Variants in USP35 observed in about 807,000 individuals in gnomAD.
USP35 encodes ubiquitin specific peptidase 35.
In USP35, 69 loss-of-function variants were observed where a neutral mutation model predicts 83.8. The observed-to-expected ratio is 0.82, with a 90% CI of 0.68 to 1.01. USP35 has a LOEUF of 1.01. Among genes scored for constraint, USP35 ranks in the 50% least tolerant of loss-of-function variants. The pLI is 0.00. For synonymous variants in USP35, 714 were observed against 589.5 expected, an observed-to-expected ratio of 1.21 and a Z score of -3.06; for missense variants, 1,503 against 1,362.5, an observed-to-expected ratio of 1.10 and a Z score of -1.62.
the USP35 span, chr11:78,222,141 A>C: frequency 6.2e-7 from 1 of 1,613,904 alleles, no homozygotes; most frequent in South Asian, 1.1e-5. Flanking sequence ...AGGTGACTTG[A>C]AGGGGAGTTC....
rs1167070250 is a variant in USP35 at position 78,214,669 on chromosome 11, G to GA, written c.*857dup. On this transcript the variant is annotated 3_prime_UTR_variant, in exon 11 of 11. Transcript: ENST00000529308. ...CTAACTTCTAACCGAAGACAAGACA[G>GA]ACACCCATGTTCATAAATAAATAAA... is the stretch of plus-strand genomic sequence containing the variant. 1 of 150,862 alleles carries GA rather than the reference G, an allele frequency of 6.6e-6. No homozygotes were observed. The highest frequency in any genetic ancestry group is 1.5e-5 in the Non-Finnish European group (1 of 67,250). The allele number at this position is 150,862 out of a possible 1,614,324, so 9.3% of individuals were successfully genotyped here. A position where few individuals can be genotyped will look rare whatever the true frequency, so the allele number is the denominator to read the frequency against.
chr11:78,223,484 G>T, the USP35 span: 1 of 1,606,722 alleles, frequency 6.2e-7, no homozygotes, highest in Non-Finnish European at 8.5e-7. Context: ...GGGCCTCGGT[G>T]CACAGGAAGG....
the USP35 span, among the ~76,000 whole-genome samples, chr11:78,226,266 AACT>A: frequency 5.3e-5 from 8 of 152,214 alleles, no homozygotes; most frequent in African/African-American, 1.7e-4. Flanking sequence ...TCTGTTAGAC[AACT>A]ACTACTAACA....
chr11:78,210,383 A>G lies in USP35; in HGVS notation c.2528A>G (p.Gln843Arg). Residue 843 changes from glutamine (Q) to arginine (R), a missense_variant, in exon 10 of 11, where the codon CAG (glutamine) becomes CGG (arginine). Gln to Arg is a conservative substitution (Grantham distance 43, BLOSUM62 1). Coordinates refer to ENST00000529308, the MANE Select transcript of USP35 (RefSeq NM_020798.4). Reference sequence around the variant, plus strand: ...CTGCCACTGGCTGGTGGCCGTGGCCAGGCCTATGACCTCTGCAGTGTGGTG... The same window carrying G: ...CTGCCACTGGCTGGTGGCCGTGGCCGGGCCTATGACCTCTGCAGTGTGGTG... ...LRLPLAGGRG[Q>R]AYDLCSVVVH... is the part of the protein sequence containing the mutation. 1 of 1,613,686 alleles carries G rather than the reference A, an allele frequency of 6.2e-7. No homozygotes were observed. The highest frequency in any genetic ancestry group is 2.2e-5 in the East Asian group (1 of 44,878).
chr11:78,193,815 C>T (rs115015466), intron 1 of USP35, among the ~76,000 whole-genome samples: 5 of 152,186 alleles, frequency 3.3e-5, no homozygotes, highest in Non-Finnish European at 7.3e-5. Flanking sequence ...CAGGAAGCTT[C>T]GGGTGGACCC....
At chr11:78,222,260 T>C in the USP35 span, 1 of 990,438 alleles carries the variant, frequency 1.0e-6, no homozygotes, top group South Asian at 1.3e-5. Context: ...ACACACCTTA[T>C]ATATAACACA....
In USP35 at chr11:78,209,956, A is replaced by G. The variant is rs1863684081; in HGVS notation, c.2101A>G (p.Arg701Gly). ...EEVGEEEEST[R>G]GEGEREKEEE... ...AGTGGGGGAGGAGGAGGAAAGCACC[A>G]GAGGGGAAGGAGAGAGGGAGAAAGA... The change falls in exon 10 of 11, where the codon AGA becomes GGA. Residue 701 changes from arginine (R) to glycine (G), a missense_variant. Coordinates refer to ENST00000529308, the MANE Select transcript of USP35 (RefSeq NM_020798.4). 1.2e-6 allele frequency: 2 copies of G among 1,610,762 alleles called. No homozygotes were observed. The highest frequency in any genetic ancestry group is 4.5e-5 in the East Asian group (2 of 44,786).
Position 78,200,725 on chromosome 11 carries a change from C to T in USP35, c.1114C>T (p.Gln372Ter). The T allele has an allele frequency of 1.2e-6, 2 of 1,614,176 alleles. No individual in the cohort carries two copies. Among genetic ancestry groups the T allele is most frequent in the Non-Finnish European group, 1.7e-6 (2 of 1,180,006 alleles). Residue 372 changes from glutamine (Q) to a stop codon, truncating the protein, a stop_gained, in exon 6 of 11, where the codon CAG (glutamine) becomes TAG (stop). Coordinates refer to ENST00000529308, the MANE Select transcript of USP35 (RefSeq NM_020798.4). LOFTEE classifies it high-confidence loss of function. ...GAACTCGGGGACCAGCTGCCTGGAG[C>T]AGCTGGCGGAGCTGGTCCACTGCAT... Reference protein sequence around the residue: ...DSNSGTSCLEQLAELVHCMVF... With the variant: ...DSNSGTSCLE
the USP35 span, chr11:78,220,270 T>C: frequency 1.1e-5 from 17 of 1,607,372 alleles, no homozygotes; most frequent in African/African-American, 2.7e-5. Flanking sequence ...GATCTCTGCC[T>C]CCGGGACCCT....
downstream of USP35, chr11:78,218,953 C>G (rs1177097851): frequency 2.7e-5 from 7 of 256,304 alleles, no homozygotes; most frequent in Non-Finnish European, 5.2e-5. Context: ...CTCCAAACAT[C>G]TGGTAGAGAG....
At chr11:78,221,267 C>A in the USP35 span, among the ~76,000 whole-genome samples, 1 of 152,210 alleles carries the variant, frequency 6.6e-6, no homozygotes, top group Admixed American at 6.5e-5. Flanking sequence ...GAAGAAATAT[C>A]CTCCTCTGCC....
rs759879730 is a variant in USP35 at position 78,209,663 on chromosome 11, C to T, written c.1808C>T (p.Pro603Leu). The change falls in exon 10 of 11, where the codon CCT becomes CTT. Residue 603 changes from proline to leucine, a missense_variant. Physicochemically the swap from Pro to Leu is moderately conservative, Grantham distance 98. Coordinates refer to ENST00000529308, the MANE Select transcript of USP35 (RefSeq NM_020798.4). ...FTDLSLAFPP[P>L]ERCRRRRLGS... ...GACCTCTCTCTCGCCTTCCCTCCTC[C>T]TGAGCGCTGTCGCCGCCGCCGCCTG... 5.0e-6 allele frequency: 8 copies of T among 1,614,102 alleles called. No homozygotes were observed. In the South Asian group the frequency reaches 8.8e-5, roughly 18 times the overall value.
the USP35 span, chr11:78,225,310 A>T: frequency 5.9e-6 from 4 of 672,458 alleles, no homozygotes; most frequent in Admixed American, 2.6e-5. Flanking sequence ...TCCAGAAGAT[A>T]CTACTCTCAA....
intron 6 of USP35, among the ~76,000 whole-genome samples, chr11:78,203,425 C>A (rs1484963430): frequency 6.6e-6 from 1 of 152,140 alleles, no homozygotes; most frequent in Non-Finnish European, 1.5e-5. Flanking sequence ...TAGATCTGGG[C>A]TTCTCGAACG....
At chr11:78,200,881 A>C in intron 6 of USP35, 73 bp downstream of exon 6, 3 of 1,514,012 alleles carry the variant, frequency 2.0e-6, no homozygotes, top group Non-Finnish European at 1.8e-6. Context: ...CCAGCGGGCC[A>C]TACCACAGCT....
chr11:78,196,099 C>A lies in USP35; in HGVS notation c.-10-137C>A, dbSNP rs888135231. On this transcript the variant is annotated intron_variant, in intron 1 of 10. Coordinates refer to ENST00000529308, the MANE Select transcript of USP35 (RefSeq NM_020798.4). The surrounding 1 kb of genome is among the most constrained non-coding windows in gnomAD (Gnocchi z 4.8). ...AGCTCTCAGTGAAATGACGCCCTTGCCCCATTTCACAGATGAGAAAACTGA... is the reference window on the plus strand; with the variant it reads ...AGCTCTCAGTGAAATGACGCCCTTGACCCATTTCACAGATGAGAAAACTGA... 3 of 1,357,748 alleles carry A rather than the reference C, an allele frequency of 2.2e-6. No homozygotes were observed. Among genetic ancestry groups the A allele is most frequent in the Non-Finnish European group, 2.9e-6 (3 of 1,046,032 alleles). 84.1% of individuals were successfully genotyped at this position (1,357,748 alleles called of 1,614,324 possible). A position where few individuals can be genotyped will look rare whatever the true frequency, so the allele number is the denominator to read the frequency against.
downstream of USP35, chr11:78,218,665 T>G (rs1864265866): frequency 6.5e-6 from 1 of 153,062 alleles, no homozygotes; most frequent in Non-Finnish European, 1.5e-5. Flanking sequence ...CAGCTTTCCC[T>G]CTTCATCTGG....
chr11:78,226,025 T>C, the USP35 span, among the ~76,000 whole-genome samples: 1 of 152,256 alleles, frequency 6.6e-6, no homozygotes. Flanking sequence ...GAGATTCAAG[T>C]ATGATTTAGA....
downstream of USP35, among the ~76,000 whole-genome samples, chr11:78,219,590 C>T (rs896693285): frequency 6.6e-6 from 1 of 152,176 alleles, no homozygotes; most frequent in Non-Finnish European, 1.5e-5. Flanking sequence ...GGCTTTAAAG[C>T]TCAGACTCCA....
Sources: allele counts gnomAD v4.1 joint callset (sites outside exome capture counted in the v4.1 genomes callset), GRCh38; gene constraint gnomAD v4.1.1; non-coding constraint Gnocchi (gnomAD v3.1); transcripts MANE v1.5; gene names NCBI Gene and HGNC (gene_info 2026-07-23, HGNC 2026-07-21).